Variants in A4GNT observed in about 807,000 individuals in gnomAD.
A4GNT encodes alpha-1,4-N-acetylglucosaminyltransferase.
Under a neutral mutation model 8.3 loss-of-function variants are expected in A4GNT, and 6 were observed. The ratio of observed to expected loss-of-function variants is 0.72; its 90% CI spans 0.39 to 1.42. A4GNT has a LOEUF of 1.42. A4GNT is among the 40% of genes most tolerant of loss of function. The pLI is 0.02. For synonymous variants in A4GNT, 157 were observed against 159.8 expected (o/e 0.98, Z 0.13); for missense variants, 377 against 417.0 (o/e 0.90, Z 0.84).
rs2724692 is a variant in A4GNT at position 138,132,356 on chromosome 3, T to C, written c.-171A>G. 97,802 of 152,174 alleles carry C rather than the reference T, an allele frequency of 0.64. 31,605 individuals are homozygous for C. Among genetic ancestry groups the C allele is most frequent in the Admixed American group, 0.69 (10,570 of 15,284 alleles). 9.4% of individuals were successfully genotyped at this position (152,174 alleles called of 1,614,324 possible). A position where few individuals can be genotyped will look rare whatever the true frequency, so the allele number is the denominator to read the frequency against. ...TCAGAGCCTAACTTCTAGCTGCAAATGCAGTTAACCAGTATTTGAGGTCTT... is the reference window on the plus strand; with the variant it reads ...TCAGAGCCTAACTTCTAGCTGCAAACGCAGTTAACCAGTATTTGAGGTCTT... On this transcript the variant is annotated 5_prime_UTR_variant, in exon 1 of 3. Transcript: ENST00000236709.
chr3:138,125,330 T>A (rs887924086), intron 2 of A4GNT, among the ~76,000 whole-genome samples: 9 of 152,154 alleles, frequency 5.9e-5, no homozygotes, highest in Non-Finnish European at 8.8e-5. Context: ...TTTGAAAAAT[T>A]GATAAAAAAA....
At chr3:138,125,438 A>G (rs2042739914) in intron 2 of A4GNT, among the ~76,000 whole-genome samples, 2 of 152,216 alleles carry the variant, frequency 1.3e-5, no homozygotes, top group African/African-American at 2.4e-5. Context: ...TTCTATTAAA[A>G]CTGCTAAGGA....
chr3:138,124,919 A>T, intron 2 of A4GNT, 41 bp from the exon 3 acceptor site: 1 of 1,585,812 alleles, frequency 6.3e-7, no homozygotes, highest in Non-Finnish European at 8.6e-7. Flanking sequence ...TAGCCAGGGG[A>T]AGAGGGAGGG....
At position 138,124,873 on chromosome 3, in the gene A4GNT, G is replaced by A. The variant is rs770587689; in HGVS notation, c.414C>T (p.Asn138=). 1.4e-5 allele frequency: 23 copies of A among 1,609,402 alleles called. No homozygotes were observed. Among genetic ancestry groups the A allele is most frequent in the Admixed American group, 5.0e-5 (3 of 59,916 alleles). The change falls in exon 3 of 3, where the codon AAC becomes AAT. Residue 138 remains asparagine (N), a synonymous_variant. Coordinates refer to ENST00000236709, the MANE Select transcript of A4GNT (RefSeq NM_016161.3). The part of the protein sequence containing the change: ...TPLFSWYNQI[N]ASAERNWLHI... Reference sequence around the variant, plus strand: ...GGAGCCAGTTTCTCTCTGCGCTGGCGTTGATCTGCAGGAGCAGGTGCAAAT... The same window carrying A: ...GGAGCCAGTTTCTCTCTGCGCTGGCATTGATCTGCAGGAGCAGGTGCAAAT...
intron 1 of A4GNT, 119 bp from the exon 2 acceptor site, chr3:138,131,401 T>G: frequency 1.1e-6 from 1 of 881,928 alleles, no homozygotes; most frequent in South Asian, 3.6e-5. Context: ...CTAAATAAAA[T>G]ATGATGAAAT....
At chr3:138,127,118 C>CAAAAAA (rs898641661) in intron 2 of A4GNT, among the ~76,000 whole-genome samples, 49 of 33,938 alleles carry the variant, frequency 1.4e-3, no homozygotes, top group Middle Eastern at 0.018. Flanking sequence ...GACTCCATCT[C>CAAAAAA]AAAAAAAAAA....
Position 138,130,861 on chromosome 3 carries a change from T to A in A4GNT, c.396A>T (p.Ser132=), listed in dbSNP as rs367814278. 15 of 1,613,802 alleles carry A rather than the reference T, an allele frequency of 9.3e-6. No homozygotes were observed. Among genetic ancestry groups the A allele is most frequent in the Non-Finnish European group, 1.2e-5 (14 of 1,179,920 alleles). Residue 132 remains serine, a synonymous_variant, in exon 2 of 3, where the codon TCA becomes TCT. Transcript: ENST00000236709. The stretch of plus-strand genomic sequence containing the variant: ...CCTAAACACTTACTTGATTGTACCA[T>A]GAAAACAATGGTGTGTCTTCAAGCA... ...KRLLEDTPLF[S]WYNQINASAE... is the part of the protein sequence containing the mutation.
intron 2 of A4GNT, among the ~76,000 whole-genome samples, chr3:138,126,948 A>C (rs1576522224): frequency 1.3e-5 from 2 of 148,398 alleles, no homozygotes; most frequent in South Asian, 4.3e-4. Context: ...TGGCCAACAT[A>C]GTGAAACCCT....
intron 2 of A4GNT, among the ~76,000 whole-genome samples, chr3:138,130,051 C>T (rs189796968): frequency 2.7e-5 from 4 of 150,046 alleles, no homozygotes; most frequent in African/African-American, 7.3e-5. Flanking sequence ...ACGAAAACAC[C>T]TACTATTATT....
chr3:138,125,703 A>G (rs2107884529), intron 2 of A4GNT, among the ~76,000 whole-genome samples: 1 of 152,328 alleles, frequency 6.6e-6, no homozygotes. Flanking sequence ...CTCTTGCAGT[A>G]GAGATTGTCC....
At chr3:138,124,971 G>T in intron 2 of A4GNT, 93 bp from the exon 3 acceptor site, 4 of 1,463,324 alleles carry the variant, frequency 2.7e-6, no homozygotes, top group Non-Finnish European at 3.6e-6. Context: ...CTGGGGAGGG[G>T]TTAAAGAAGC....
At chr3:138,126,236 A>G (rs1283330300) in intron 2 of A4GNT, among the ~76,000 whole-genome samples, 1 of 152,068 alleles carries the variant, frequency 6.6e-6, no homozygotes, top group East Asian at 1.9e-4. Context: ...TGGGAGAGAG[A>G]AGAGTCACAG....
chr3:138,126,252 T>TTA (rs2042744086), intron 2 of A4GNT, among the ~76,000 whole-genome samples: 1 of 151,996 alleles, frequency 6.6e-6, no homozygotes, highest in African/African-American at 2.4e-5. Flanking sequence ...CACAGATGAC[T>TTA]GCAAAGGCTA....
Position 138,124,711 on chromosome 3 carries a change from A to G in A4GNT, c.576T>C (p.Asn192=). The G allele has an allele frequency of 6.2e-7, 1 of 1,614,212 alleles. No homozygotes were observed. Among genetic ancestry groups the G allele is most frequent in the Non-Finnish European group, 8.5e-7 (1 of 1,180,040 alleles). ...GGTGGGGGAGGAACCCAAATATTCC[A>G]TTACTAGAGTACCGAGAAGCCTGCG... ...LAAQASRYSS[N]GIFGFLPHHP... is the part of the protein sequence containing the mutation. Residue 192 remains asparagine, a synonymous_variant, in exon 3 of 3, where the codon AAT becomes AAC. Transcript: ENST00000236709.
chr3:138,131,420 G>T (rs1225061062), intron 1 of A4GNT, 138 bp from the exon 2 acceptor site: 1 of 777,848 alleles, frequency 1.3e-6, no homozygotes. Flanking sequence ...ATCAAGTCCA[G>T]CAATATTAAA....
chr3:138,124,762 GGGCCTGAT>G lies in A4GNT; in HGVS notation c.517_524del (p.Ile173HisfsTer3), dbSNP rs745347746. On this transcript the variant is annotated frameshift_variant, in exon 3 of 3. Coordinates refer to ENST00000236709, the MANE Select transcript of A4GNT (RefSeq NM_016161.3). LOFTEE classifies it low-confidence loss of function (END_TRUNC). ...CAGCCAAAAAGTTCTCCTCAGGGAT[GGGCCTGAT>G]GGAGATGACATCGGTGTCCATGTAG... 1 of 1,614,182 alleles carries G rather than the reference GGGCCTGAT, an allele frequency of 6.2e-7. No homozygotes were observed. Among genetic ancestry groups the G allele is most frequent in the Admixed American group, 1.7e-5 (1 of 60,016 alleles).
intron 1 of A4GNT, among the ~76,000 whole-genome samples, 195 bp from the exon 2 acceptor site, chr3:138,131,477 A>G (rs1214693741): frequency 6.6e-6 from 1 of 152,156 alleles, no homozygotes; most frequent in Non-Finnish European, 1.5e-5. Context: ...AGTCCCAACT[A>G]CTAGGGAGGC....
intron 1 of A4GNT, 71 bp from the exon 2 acceptor site, chr3:138,131,353 T>C: frequency 8.3e-7 from 1 of 1,205,182 alleles, no homozygotes; most frequent in Non-Finnish European, 1.1e-6. Flanking sequence ...AAGAAAATGA[T>C]ACATGAATAT....
intron 2 of A4GNT, among the ~76,000 whole-genome samples, chr3:138,129,026 C>G (rs1356189652): frequency 6.6e-6 from 1 of 152,092 alleles, no homozygotes; most frequent in Non-Finnish European, 1.5e-5. Flanking sequence ...CAGCCCCAGC[C>G]CCTACCTTTC....
Sources: allele counts gnomAD v4.1 joint callset (sites outside exome capture counted in the v4.1 genomes callset), GRCh38; gene constraint gnomAD v4.1.1; transcripts MANE v1.5; gene names NCBI Gene and HGNC (gene_info 2026-07-23, HGNC 2026-07-21).